The following MAP3K13 variants were observed in gnomAD, a reference collection of about 807,000 sequenced individuals.
MAP3K13 encodes the protein mitogen-activated protein kinase kinase kinase 13.
Under a neutral mutation model 104.0 loss-of-function variants are expected in MAP3K13, and 52 were observed. That is an observed-to-expected ratio of 0.50 (90% CI 0.40 to 0.63). MAP3K13 has a LOEUF of 0.63. Ranked by LOEUF, MAP3K13 falls within the 20% of genes least tolerant of loss-of-function variation. MAP3K13 has a pLI of 0.00. For synonymous variants in MAP3K13, 394 were observed against 442.2 expected (o/e 0.89, Z 1.37); for missense variants, 914 against 1,218.5 (o/e 0.75, Z 3.72).
At chr3:185,467,816 G>C (rs1340046570) in intron 10 of MAP3K13, among the ~76,000 whole-genome samples, 1 of 151,426 alleles carries the variant, frequency 6.6e-6, no homozygotes, top group Non-Finnish European at 1.5e-5. Flanking sequence ...CCTGAGACTG[G>C]GTAATTTATA....
intron 2 of MAP3K13, among the ~76,000 whole-genome samples, chr3:185,314,051 C>T (rs1430947000): frequency 6.6e-6 from 1 of 152,268 alleles, no homozygotes; most frequent in Non-Finnish European, 1.5e-5. Context: ...CCTTGACCTA[C>T]TGCAGTTTGC....
rs187560942 is a variant in MAP3K13 at position 185,328,979 on chromosome 3, A to T, written c.-86+43336A>T. ...CAGCTTGGTGTAAGTAGTTTTTTTT[A>T]AAAAAAACTATTATGACATTTTCAT... On this transcript the variant is annotated intron_variant, in intron 2 of 14. Transcript: ENST00000424227. 9.2e-4 allele frequency: 415 copies of T among 452,336 alleles called. 2 individuals carry two copies. Among genetic ancestry groups the T allele is most frequent in the East Asian group, 8.4e-3 (244 of 28,912 alleles). The allele number at this position is 452,336 out of a possible 1,614,324, so 28.0% of individuals were successfully genotyped here.
intron 1 of MAP3K13, among the ~76,000 whole-genome samples, chr3:185,399,573 A>ATAGT (rs1382241193): frequency 1.4e-5 from 2 of 144,304 alleles, no homozygotes; most frequent in Non-Finnish European, 3.0e-5. Context: ...ACACCATTGC[A>ATAGT]CTCCAGCCTG....
At chr3:185,417,445 G>A in intron 1 of MAP3K13, 1 of 1,491,266 alleles carries the variant, frequency 6.7e-7, no homozygotes, top group Non-Finnish European at 9.0e-7. Flanking sequence ...TTATTCAAAA[G>A]AAGCTGTCCA....
chr3:185,348,071 G>C (rs1723002961), intron 2 of MAP3K13, among the ~76,000 whole-genome samples: 1 of 151,578 alleles, frequency 6.6e-6, no homozygotes, highest in Non-Finnish European at 1.5e-5. Flanking sequence ...GCATGAAATT[G>C]GCGACTATTT....
intron 1 of MAP3K13, among the ~76,000 whole-genome samples, chr3:185,391,643 AT>A (rs573790602): frequency 1.5e-4 from 23 of 152,188 alleles, no homozygotes; most frequent in Admixed American, 5.2e-4. Flanking sequence ...AAATCAACAG[AT>A]TTTTTTTAAT....
intron 1 of MAP3K13, among the ~76,000 whole-genome samples, chr3:185,365,929 T>TTCAC (rs1553794373): frequency 4.8e-5 from 1 of 20,712 alleles, no homozygotes; most frequent in Admixed American, 6.1e-4. Context: ...CCCCTTTCCC[T>TTCAC]TCCCTCCCTC....
In MAP3K13 at chr3:185,450,612, C is replaced by CATAAA. The variant is rs533421574; in HGVS notation, c.1169+568_1169+572dup. 5.1e-4 allele frequency among the ~76,000 whole-genome samples: 77 copies of CATAAA among 151,518 alleles called. 1 individual carries two copies. Among genetic ancestry groups the CATAAA allele is most frequent in the Admixed American group, 1.5e-3 (22 of 15,168 alleles). On this transcript the variant is annotated intron_variant, in intron 6 of 13. Transcript: ENST00000265026. This position sits in a 1 kb window ranked among gnomAD's most constrained non-coding sequence, Gnocchi z 4.2. ...CGAGACCCCATCTCTGTGTTAAAAA[C>CATAAA]ATAAAATAAAATAAAATATAAATAA...
intron 1 of MAP3K13, among the ~76,000 whole-genome samples, chr3:185,425,322 T>C (rs967606629): frequency 1.3e-5 from 2 of 152,238 alleles, no homozygotes; most frequent in African/African-American, 4.8e-5. Context: ...GCATTTCATA[T>C]CTCAGTTATT....
At position 185,417,484 on chromosome 3, in the gene MAP3K13, A is replaced by T. The variant is rs1713845022; in HGVS notation, c.-85-11013A>T. The T allele has an allele frequency of 1.9e-6, 3 of 1,581,232 alleles. No homozygotes were observed. In the African/African-American group the frequency reaches 4.1e-5, roughly 22 times the overall value. Reference sequence around the variant, plus strand: ...TGATTTGACCTTTATGGAATAATCAAATTTAAGAGTTTATGCAGCAGGCTT... The same window carrying T: ...TGATTTGACCTTTATGGAATAATCATATTTAAGAGTTTATGCAGCAGGCTT... On this transcript the variant is annotated intron_variant, in intron 1 of 13. Coordinates refer to ENST00000265026, the MANE Select transcript of MAP3K13 (RefSeq NM_004721.5).
In MAP3K13 at chr3:185,451,474, C is replaced by T. The variant is rs767430771; in HGVS notation, c.1278+79C>T. On this transcript the variant is annotated intron_variant, in intron 7 of 13. Coordinates refer to ENST00000265026, the MANE Select transcript of MAP3K13 (RefSeq NM_004721.5). ...TGAAACAGAGTAACTCTTAGAAGGG[C>T]CCATTGTGTTTGTTATAATAGTTAT... The T allele has an allele frequency of 3.3e-6, 3 of 917,450 alleles. No individual in the cohort carries two copies. The Admixed American group carries it at 5.5e-5, about 17-fold the overall frequency. 56.8% of individuals were successfully genotyped at this position (917,450 alleles called of 1,614,324 possible).
intron 1 of MAP3K13, among the ~76,000 whole-genome samples, chr3:185,411,730 G>A (rs1349485427): frequency 6.7e-6 from 1 of 149,638 alleles, no homozygotes; most frequent in Admixed American, 6.6e-5. Flanking sequence ...ATGAAACCAT[G>A]TGCACTTGTA....
At chr3:185,461,875 A>T (rs2148913639) in intron 7 of MAP3K13, among the ~76,000 whole-genome samples, 1 of 115,750 alleles carries the variant, frequency 8.6e-6, no homozygotes, top group East Asian at 2.4e-4. Context: ...GCAATTAGGG[A>T]TTGCTATTAT....
In MAP3K13 at chr3:185,482,429, T is replaced by C. The variant is rs146756444; in HGVS notation, c.2874T>C (p.Asn958=). 682 of 1,613,886 alleles carry C rather than the reference T, an allele frequency of 4.2e-4. 2 individuals carry two copies. In the Middle Eastern group the frequency reaches 4.6e-3, roughly 11 times the overall value. ...GTTCTGATGCCACAGTTAGGACCAA[T>C]AAACACTACAGCTCTGCTACCTGGT... ...GECSDATVRT[N]KHYSSATW Residue 958 remains asparagine, a synonymous_variant, in exon 14 of 14, where the codon AAT becomes AAC. Coordinates refer to ENST00000265026, the MANE Select transcript of MAP3K13 (RefSeq NM_004721.5). The surrounding 1 kb of genome is among the most constrained non-coding windows in gnomAD (Gnocchi z 4.5).
chr3:185,296,202 C>G (rs1347161152), intron 2 of MAP3K13, among the ~76,000 whole-genome samples: 1 of 152,190 alleles, frequency 6.6e-6, no homozygotes, highest in Non-Finnish European at 1.5e-5. Flanking sequence ...CATGATTGTG[C>G]CACTGCACTC....
In MAP3K13 at chr3:185,483,240, T is replaced by A. The variant is rs1718562601; in HGVS notation, c.*784T>A. ...TTAAGCAGCAGTTGGTAGTGAGGTT[T>A]ACAGATAGTGTCAAATCTTGTTTTT... On this transcript the variant is annotated 3_prime_UTR_variant, in exon 14 of 14. Transcript: ENST00000265026. 2 of 232,888 alleles carry A rather than the reference T, an allele frequency of 8.6e-6. No homozygotes were observed. The highest frequency in any genetic ancestry group is 1.7e-5 in the Non-Finnish European group (2 of 117,870). The allele number at this position is 232,888 out of a possible 1,614,324, so 14.4% of individuals were successfully genotyped here. A position where few individuals can be genotyped will look rare whatever the true frequency, so the allele number is the denominator to read the frequency against.
Position 185,482,349 on chromosome 3 carries a change from T to C in MAP3K13, c.2800-6T>C. The stretch of plus-strand genomic sequence containing the variant: ...AATGAATTAAGGTTTTGTCTTGCCT[T>C]TGCAGAACCCCATGCAGTTTGAAGA... On this transcript the variant is annotated splice_polypyrimidine_tract_variant and splice_region_variant and intron_variant, in intron 13 of 13. Transcript: ENST00000265026. This position sits in a 1 kb window ranked among gnomAD's most constrained non-coding sequence, Gnocchi z 4.5. 6.2e-7 allele frequency: 1 copy of C among 1,608,552 alleles called. No individual in the cohort carries two copies.
chr3:185,295,706 A>G (rs1175476735), intron 2 of MAP3K13, among the ~76,000 whole-genome samples: 2 of 151,916 alleles, frequency 1.3e-5, no homozygotes, highest in East Asian at 3.9e-4. Flanking sequence ...TTTTTCTCAC[A>G]TCTAGCATAG....
intron 1 of MAP3K13, among the ~76,000 whole-genome samples, chr3:185,396,743 GCTGACTGTGATCCT>G (rs983060558): frequency 2.6e-5 from 4 of 152,168 alleles, no homozygotes; most frequent in African/African-American, 9.7e-5. Context: ...ACAAATGAGA[GCTGACTGTGATCCT>G]CTTCCCTCCT....
Sources: gnomAD v4.1 joint callset for allele counts (sites outside exome capture counted in the v4.1 genomes callset) on GRCh38, gnomAD v4.1.1 for gene constraint, Gnocchi (gnomAD v3.1) non-coding constraint, MANE v1.5 for transcripts, NCBI Gene and HGNC (gene_info 2026-07-23, HGNC 2026-07-21) for gene names.